Variants in LRP1B observed in about 807,000 individuals in gnomAD.
The protein encoded by LRP1B is low-density lipoprotein receptor-related protein 1B.
In LRP1B, 217 loss-of-function variants were observed where a neutral mutation model predicts 556.6. The ratio of observed to expected loss-of-function variants is 0.39; its 90% confidence interval spans 0.35 to 0.44. The LOEUF is 0.44. LRP1B is among the 20% of genes least tolerant of loss of function. LRP1B has a pLI of 1.00. For missense variants in LRP1B, 5,053 were observed against 5,620.8 expected, an observed-to-expected ratio of 0.90 and a Z score of 3.23; for synonymous variants, 2,047 against 1,865.8, an observed-to-expected ratio of 1.10 and a Z score of -2.50.
intron 47 of LRP1B, among the ~76,000 whole-genome samples, chr2:140,527,727 T>A (rs1690497456): frequency 6.6e-6 from 1 of 151,974 alleles, no homozygotes; most frequent in African/African-American, 2.4e-5. Context: ...TCTTTTATAT[T>A]CATTTGTGTT....
chr2:142,086,632 C>CAA (rs1267273158), intron 1 of LRP1B, among the ~76,000 whole-genome samples: 11 of 28,838 alleles, frequency 3.8e-4, no homozygotes, highest in African/African-American at 5.5e-4. Flanking sequence ...AACAAACAAA[C>CAA]AAACAAACAA....
chr2:141,324,860 G>T (rs1027403909), intron 3 of LRP1B, among the ~76,000 whole-genome samples: 2 of 151,974 alleles, frequency 1.3e-5, no homozygotes, highest in Non-Finnish European at 2.9e-5. Context: ...TATTCCAAAA[G>T]CCATGGAAAA....
intron 7 of LRP1B, among the ~76,000 whole-genome samples, chr2:141,122,251 G>A (rs1302116583): frequency 6.6e-6 from 1 of 152,048 alleles, no homozygotes; most frequent in Non-Finnish European, 1.5e-5. Context: ...ATTGACAAGT[G>A]GGATCTAATT....
chr2:140,968,742 T>C (rs1397420802), intron 18 of LRP1B, among the ~76,000 whole-genome samples: 3 of 152,176 alleles, frequency 2.0e-5, no homozygotes, highest in Non-Finnish European at 2.9e-5. Flanking sequence ...TTTGTTCTCA[T>C]TGGTTTCAAA....
At chr2:140,871,394 T>C (rs1693123935) in intron 25 of LRP1B, among the ~76,000 whole-genome samples, 1 of 152,142 alleles carries the variant, frequency 6.6e-6, no homozygotes, top group African/African-American at 2.4e-5. Flanking sequence ...ACAGTCTTGC[T>C]AACTGTTAAG....
At position 141,480,543 on chromosome 2, in the gene LRP1B, T is replaced by C. The variant is rs1682879488; in HGVS notation, c.206-10A>G. On this transcript the variant is annotated splice_polypyrimidine_tract_variant and intron_variant, in intron 2 of 90. Transcript: ENST00000389484. The stretch of plus-strand genomic sequence containing the variant: ...TCTACCTCCTCGGGACCTGAAAAGA[T>C]GTAAAAAAGAACAGAATTATGTGTT... 1.9e-6 allele frequency: 3 copies of C among 1,613,548 alleles called. No homozygotes were observed. The highest frequency in any genetic ancestry group is 2.5e-6 in the Non-Finnish European group (3 of 1,179,708).
chr2:141,240,777 C>T (rs913279742), intron 5 of LRP1B, among the ~76,000 whole-genome samples: 10 of 151,868 alleles, frequency 6.6e-5, no homozygotes, highest in Admixed American at 3.3e-4. Flanking sequence ...AATATGGCCA[C>T]GTAATTTTTC....
chr2:141,935,323 G>A (rs1700606200), intron 1 of LRP1B, among the ~76,000 whole-genome samples: 1 of 152,050 alleles, frequency 6.6e-6, no homozygotes, highest in South Asian at 2.1e-4. Flanking sequence ...ACTACCACAT[G>A]TGACCAAAAA....
At chr2:141,449,556 T>C (rs1681331987) in intron 3 of LRP1B, among the ~76,000 whole-genome samples, 1 of 152,178 alleles carries the variant, frequency 6.6e-6, no homozygotes, top group African/African-American at 2.4e-5. Context: ...TCCCTACATA[T>C]TCTAATTGTG....
intron 20 of LRP1B, among the ~76,000 whole-genome samples, chr2:140,936,710 T>C (rs559870543): frequency 6.6e-6 from 1 of 152,274 alleles, no homozygotes; most frequent in African/African-American, 2.4e-5. Flanking sequence ...AGACTAACTT[T>C]GAAAAAAATA....
At chr2:141,159,413 T>C (rs6719166) in intron 7 of LRP1B, among the ~76,000 whole-genome samples, 88,031 of 151,858 alleles carry the variant, frequency 0.58, 26,368 homozygotes, top group Middle Eastern at 0.72. Flanking sequence ...TTGTTTGTTT[T>C]TAGAGATGGG....
intron 86 of LRP1B, among the ~76,000 whole-genome samples, chr2:140,261,593 G>A (rs765476506): frequency 3.3e-5 from 5 of 151,708 alleles, no homozygotes; most frequent in South Asian, 2.1e-4. Context: ...TATTAACACC[G>A]TTGAATAACC....
rs1458611353 is a variant in LRP1B, at chr2:141,020,038, A to T, written c.1854T>A (p.Asp618Glu). ...WIGNNLYWTN[D>E]GHRKTINVAR... ...CCACATTAATGGTTTTCCTATGGCCATCATTGGTCCAGTAAAGATTATTTC... is the reference window on the plus strand; with the variant it reads ...CCACATTAATGGTTTTCCTATGGCCTTCATTGGTCCAGTAAAGATTATTTC... Residue 618 changes from aspartate to glutamate, a missense_variant, in exon 12 of 91, where the codon GAT becomes GAA. Physicochemically the swap from Asp to Glu is conservative, Grantham distance 45 (BLOSUM62 2). This residue lies in a region of LRP1B where 3,619 missense variants were observed against 3,931.9 expected (regional missense o/e 0.92). Transcript: ENST00000389484. 1.9e-6 allele frequency: 3 copies of T among 1,612,012 alleles called. No homozygotes were observed. The Admixed American group carries it at 5.0e-5, about 27-fold the overall frequency.
intron 18 of LRP1B, among the ~76,000 whole-genome samples, chr2:140,953,088 T>C (rs1015501414): frequency 6.6e-6 from 1 of 151,942 alleles, no homozygotes; most frequent in Non-Finnish European, 1.5e-5. Flanking sequence ...ATTCTTTTTG[T>C]TTGTTTGTTT....
At chr2:140,760,123 C>T (rs1428400268) in intron 35 of LRP1B, among the ~76,000 whole-genome samples, 5 of 152,114 alleles carry the variant, frequency 3.3e-5, no homozygotes, top group African/African-American at 1.2e-4. Context: ...AAGCTAGGTA[C>T]TAATGAAAGA....
At chr2:140,865,978 G>A (rs73964724) in intron 27 of LRP1B, among the ~76,000 whole-genome samples, 1,744 of 152,072 alleles carry the variant, frequency 0.011, 30 homozygotes, top group African/African-American at 0.039. Flanking sequence ...CAATGCAGGC[G>A]AATTAGACAG....
intron 7 of LRP1B, among the ~76,000 whole-genome samples, chr2:141,108,214 A>G (rs1318960070): frequency 6.6e-6 from 1 of 152,158 alleles, no homozygotes; most frequent in Non-Finnish European, 1.5e-5. Context: ...GGAAATAACA[A>G]CAACAATCCA....
At chr2:140,278,515 T>C (rs560978960) in intron 84 of LRP1B, among the ~76,000 whole-genome samples, 9 of 152,148 alleles carry the variant, frequency 5.9e-5, no homozygotes, top group African/African-American at 2.2e-4. Flanking sequence ...CTTTTTATGC[T>C]TTACAGAAAA....
At chr2:141,339,688 A>G (rs923269029) in intron 3 of LRP1B, among the ~76,000 whole-genome samples, 1 of 152,240 alleles carries the variant, frequency 6.6e-6, no homozygotes, top group Non-Finnish European at 1.5e-5. Flanking sequence ...CGTGGTTTCA[A>G]CATGAAGTCA....
Sources: allele counts gnomAD v4.1 joint callset (sites outside exome capture counted in the v4.1 genomes callset), GRCh38; gene constraint gnomAD v4.1.1; regional missense constraint gnomAD v4.1.1; transcripts MANE v1.5; gene names NCBI Gene and HGNC (gene_info 2026-07-23, HGNC 2026-07-21).